FSTL5: variants seen among roughly 807,000 people sequenced by gnomAD.
The protein encoded by FSTL5 is follistatin like 5.
A neutral mutation model predicts 89.1 loss-of-function variants in FSTL5; 62 were observed. The ratio of observed to expected loss-of-function variants is 0.70; its 90% CI spans 0.57 to 0.86. The LOEUF (loss-of-function observed/expected upper bound fraction) is 0.86. Among genes scored for constraint, FSTL5 ranks in the 40% least tolerant of loss-of-function variants. The pLI is 0.00. For synonymous variants in FSTL5, 383 were observed against 346.2 expected, an observed-to-expected ratio of 1.11 and a Z score of -1.18; for missense variants, 1,057 against 1,001.6, an observed-to-expected ratio of 1.06 and a Z score of -0.75.
At chr4:161,976,667 G>C (rs189819155) in intron 3 of FSTL5, among the ~76,000 whole-genome samples, 2 of 152,030 alleles carry the variant, frequency 1.3e-5, no homozygotes, top group East Asian at 3.9e-4. Context: ...ATTTTTAGTA[G>C]AGACGGGGTT....
intron 2 of FSTL5, among the ~76,000 whole-genome samples, chr4:162,087,681 G>A (rs1035062438): frequency 3.9e-5 from 6 of 151,988 alleles, no homozygotes; most frequent in Admixed American, 3.3e-4. Flanking sequence ...TTTGTAGATC[G>A]TTGTTGACAT....
intron 11 of FSTL5, among the ~76,000 whole-genome samples, chr4:161,503,760 T>C (rs764215453): frequency 2.0e-5 from 3 of 151,976 alleles, no homozygotes; most frequent in African/African-American, 4.8e-5. Context: ...TAACAGGGCC[T>C]AAAAAAGAGC....
intron 4 of FSTL5, among the ~76,000 whole-genome samples, chr4:161,870,231 T>A (rs7656247): frequency 0.55 from 83,905 of 152,108 alleles, 23,498 homozygotes; most frequent in East Asian, 0.66. Context: ...GATGTAGAAA[T>A]GATAAATAAT....
chr4:161,593,930 C>T (rs990078413), intron 7 of FSTL5, among the ~76,000 whole-genome samples: 1 of 152,008 alleles, frequency 6.6e-6, no homozygotes, highest in Non-Finnish European at 1.5e-5. Context: ...TGTTAAGGAA[C>T]TGAAATGCTA....
At chr4:161,720,917 G>C (rs546152883) in intron 6 of FSTL5, among the ~76,000 whole-genome samples, 1 of 152,158 alleles carries the variant, frequency 6.6e-6, no homozygotes, top group Non-Finnish European at 1.5e-5. Context: ...AGTTGTACAA[G>C]ATGAGTAAGT....
At chr4:162,004,426 T>C (rs548647568) in intron 3 of FSTL5, among the ~76,000 whole-genome samples, 18 of 152,324 alleles carry the variant, frequency 1.2e-4, no homozygotes, top group African/African-American at 4.1e-4. Context: ...CTGTGCTTAC[T>C]TCTTGGACCT....
At chr4:161,542,380 T>C (rs58315712) in intron 9 of FSTL5, 152 bp downstream of exon 9, 12,322 of 418,770 alleles carry the variant, frequency 0.029, 1,180 homozygotes, top group African/African-American at 0.22. Flanking sequence ...CTTTCCCATA[T>C]AATTTCTTAG....
At chr4:162,154,173 AC>A (rs561421835) in intron 1 of FSTL5, among the ~76,000 whole-genome samples, 135 of 143,076 alleles carry the variant, frequency 9.4e-4, no homozygotes, top group Non-Finnish European at 1.8e-3. Context: ...AATCGAATTT[AC>A]CTTTTAGTTA....
intron 15 of FSTL5, among the ~76,000 whole-genome samples, chr4:161,422,847 C>T (rs554274403): frequency 2.0e-5 from 3 of 152,172 alleles, no homozygotes; most frequent in Middle Eastern, 3.4e-3. Flanking sequence ...GCCTATGGAC[C>T]GAAAACACAT....
At chr4:161,548,989 G>A (rs145909729) in intron 8 of FSTL5, among the ~76,000 whole-genome samples, 28 of 151,820 alleles carry the variant, frequency 1.8e-4, no homozygotes, top group African/African-American at 5.5e-4. Context: ...AAAGCAAATA[G>A]TTCTGGATGG....
chr4:161,809,363 G>A (rs770216572), intron 4 of FSTL5, among the ~76,000 whole-genome samples: 20 of 152,158 alleles, frequency 1.3e-4, no homozygotes, highest in Non-Finnish European at 2.8e-4. Context: ...GGAATCCTTG[G>A]AGTCATTGTA....
At chr4:162,106,972 T>C (rs1273388789) in intron 2 of FSTL5, among the ~76,000 whole-genome samples, 1 of 152,190 alleles carries the variant, frequency 6.6e-6, no homozygotes, top group Non-Finnish European at 1.5e-5. Flanking sequence ...ACAATTGTGA[T>C]CCAATGTGAA....
At chr4:161,461,871 T>C (rs1477518806) in intron 13 of FSTL5, among the ~76,000 whole-genome samples, 9 of 151,986 alleles carry the variant, frequency 5.9e-5, no homozygotes, top group African/African-American at 2.2e-4. Context: ...TTAAATGGAA[T>C]AATCTTTAGA....
At chr4:161,688,682 C>T (rs1326315169) in intron 6 of FSTL5, among the ~76,000 whole-genome samples, 1 of 151,980 alleles carries the variant, frequency 6.6e-6, no homozygotes, top group Admixed American at 6.5e-5. Context: ...TTTTACATTT[C>T]CTATTATAGT....
intron 15 of FSTL5, among the ~76,000 whole-genome samples, chr4:161,444,954 T>C (rs940680287): frequency 2.6e-5 from 4 of 151,966 alleles, no homozygotes; most frequent in Non-Finnish European, 5.9e-5. Flanking sequence ...AGACAGAGCA[T>C]AAAAATTGCT....
At chr4:161,913,444 G>T (rs1733754033) in intron 4 of FSTL5, among the ~76,000 whole-genome samples, 1 of 152,178 alleles carries the variant, frequency 6.6e-6, no homozygotes, top group South Asian at 2.1e-4. Context: ...CCTTCAGAGG[G>T]TAGAAGCCCC....
chr4:161,810,315 T>C (rs1239023225), intron 4 of FSTL5, among the ~76,000 whole-genome samples: 2 of 152,146 alleles, frequency 1.3e-5, no homozygotes, highest in African/African-American at 2.4e-5. Context: ...TAATGATTAG[T>C]GTAATACTAC....
Position 161,656,442 on chromosome 4 carries a change from T to C in FSTL5, c.780A>G (p.Ala260=), listed in dbSNP as rs543411110. 2 of 1,608,914 alleles carry C rather than the reference T, an allele frequency of 1.2e-6. No individual in the cohort carries two copies. The highest frequency in any genetic ancestry group is 4.5e-5 in the East Asian group (2 of 44,606). ...TCAGAACAGCACTTTGTCCCACAGT[T>C]GCTGCAGTGATGCTTAGTTTCTGAT... ...PEDQKLSITA[A]TVGQSAVLSC... is the part of the protein sequence containing the mutation. Residue 260 remains alanine (A), a synonymous_variant, in exon 7 of 16, where the codon GCA becomes GCG. Transcript: ENST00000306100.
intron 3 of FSTL5, among the ~76,000 whole-genome samples, chr4:161,940,500 A>T (rs1734550360): frequency 6.6e-6 from 1 of 151,866 alleles, no homozygotes; most frequent in African/African-American, 2.4e-5. Flanking sequence ...ACAAAGCAAG[A>T]ATCCTGAAAA....
Sources: gnomAD v4.1 joint callset for allele counts (sites outside exome capture counted in the v4.1 genomes callset) on GRCh38, gnomAD v4.1.1 for gene constraint, MANE v1.5 for transcripts, NCBI Gene and HGNC (gene_info 2026-07-23, HGNC 2026-07-21) for gene names.